Variants in ADAM19 observed in about 807,000 individuals in gnomAD.
The protein encoded by ADAM19 is ADAM metallopeptidase domain 19, also known as disintegrin and metalloproteinase domain-containing protein 19.
In ADAM19, 65 loss-of-function variants were observed where a neutral mutation model predicts 114.7. That is an observed-to-expected ratio of 0.57 (90% confidence interval 0.46 to 0.70). The LOEUF is 0.70. Ranked by LOEUF, ADAM19 falls within the 30% of genes least tolerant of loss-of-function variation. The probability of loss-of-function intolerance (pLI) is 0.00; values close to 1 mark genes in which losing one functional copy is unlikely to be tolerated. For synonymous variants in ADAM19, 466 were observed against 460.5 expected, an observed-to-expected ratio of 1.01 and a Z score of -0.15; for missense variants, 1,063 against 1,204.7, an observed-to-expected ratio of 0.88 and a Z score of 1.74.
intron 12 of ADAM19, among the ~76,000 whole-genome samples, chr5:157,501,972 G>A (rs760030897): frequency 9.2e-5 from 14 of 152,054 alleles, no homozygotes; most frequent in African/African-American, 2.9e-4. Flanking sequence ...CAGGAGAATC[G>A]CTTGAACCCT....
chr5:157,535,797 T>C (rs1756747224), intron 4 of ADAM19, among the ~76,000 whole-genome samples: 2 of 152,224 alleles, frequency 1.3e-5, no homozygotes, highest in Admixed American at 1.3e-4. Flanking sequence ...GCAGGAAGCG[T>C]GAGCTCATGG....
At chr5:157,548,529 A>T (rs1757107151) in intron 3 of ADAM19, among the ~76,000 whole-genome samples, 1 of 152,176 alleles carries the variant, frequency 6.6e-6, no homozygotes, top group Non-Finnish European at 1.5e-5. Flanking sequence ...GGATTCTCTG[A>T]CTCAATACCT....
intron 1 of ADAM19, among the ~76,000 whole-genome samples, chr5:157,574,673 T>G (rs986818223): frequency 1.3e-5 from 2 of 152,072 alleles, no homozygotes; most frequent in African/African-American, 2.4e-5. Context: ...CCGGTCATAA[T>G]GAGAGAACCC....
chr5:157,492,959 G>C lies in ADAM19; in HGVS notation c.1908+14C>G, dbSNP rs1236070982. 6.2e-7 allele frequency: 1 copy of C among 1,613,726 alleles called. No individual in the cohort carries two copies. Among genetic ancestry groups the C allele is most frequent in the East Asian group, 2.2e-5 (1 of 44,892 alleles). On this transcript the variant is annotated intron_variant, in intron 16 of 22. Transcript: ENST00000257527. The stretch of plus-strand genomic sequence containing the variant: ...CTGCAGCTGGCTCCTAGGTGAGCAG[G>C]GGAGGGGACTCACATGGTTGTAGCC...
chr5:157,541,570 T>C (rs965542639), intron 3 of ADAM19, among the ~76,000 whole-genome samples: 2 of 152,018 alleles, frequency 1.3e-5, no homozygotes, highest in Non-Finnish European at 2.9e-5. Context: ...GACTCCCACC[T>C]AGGAAAATAA....
At chr5:157,531,691 G>C (rs888545723) in intron 4 of ADAM19, among the ~76,000 whole-genome samples, 1 of 147,852 alleles carries the variant, frequency 6.8e-6, no homozygotes, top group Non-Finnish European at 1.5e-5. Flanking sequence ...AAAAAAAAAA[G>C]ATGGTGTCAT....
At chr5:157,562,358 A>AAC (rs1459098049) in intron 3 of ADAM19, among the ~76,000 whole-genome samples, 1 of 152,174 alleles carries the variant, frequency 6.6e-6, no homozygotes, top group African/African-American at 2.4e-5. Context: ...CTCAATGGGA[A>AAC]ACGAGAGCTG....
At chr5:157,486,379 C>A (rs1015577340) in intron 21 of ADAM19, among the ~76,000 whole-genome samples, 3 of 152,186 alleles carry the variant, frequency 2.0e-5, no homozygotes, top group Non-Finnish European at 2.9e-5. Context: ...GAGAGACACC[C>A]ACCTGGGACC....
chr5:157,538,388 G>T (rs776366044), intron 3 of ADAM19, among the ~76,000 whole-genome samples: 3 of 152,198 alleles, frequency 2.0e-5, no homozygotes, highest in Non-Finnish European at 4.4e-5. Context: ...AGTATCAGCA[G>T]ACCAATTTTT....
At chr5:157,531,471 G>A (rs11465281) in intron 4 of ADAM19, among the ~76,000 whole-genome samples, 11,807 of 152,036 alleles carry the variant, frequency 0.078, 591 homozygotes, top group Middle Eastern at 0.17. Flanking sequence ...GTTCCAGACC[G>A]CCCTGGCCAA....
chr5:157,487,517 A>G (rs1468213924), intron 21 of ADAM19, among the ~76,000 whole-genome samples: 22 of 152,202 alleles, frequency 1.4e-4, no homozygotes, highest in Admixed American at 1.4e-3. Flanking sequence ...CAGTTCCAGA[A>G]GGCACCCCAC....
intron 2 of ADAM19, chr5:157,568,472 C>T (rs905103354): frequency 6.6e-6 from 1 of 152,174 alleles, no homozygotes; most frequent in African/African-American, 2.4e-5. Flanking sequence ...GATGAAACTC[C>T]ACTCTGTATT....
intron 5 of ADAM19, among the ~76,000 whole-genome samples, chr5:157,522,427 GA>G (rs1260301935): frequency 1.3e-5 from 2 of 152,202 alleles, no homozygotes; most frequent in Admixed American, 1.3e-4. Context: ...GTCGGGATTT[GA>G]ATGGAAGCAT....
rs920122508 is a variant in ADAM19 at position 157,477,589 on chromosome 5, G to A, written c.*3360C>T. On this transcript the variant is annotated 3_prime_UTR_variant, in exon 23 of 23. Coordinates refer to ENST00000257527, the MANE Select transcript of ADAM19 (RefSeq NM_033274.5). ...TTGGATTCTACAGAACCTCTCCTTC[G>A]CAGGCTCCCCTGGGGAAGGGGACCT... The A allele has an allele frequency of 2.1e-5, 27 of 1,258,688 alleles. No homozygotes were observed. Among genetic ancestry groups the A allele is most frequent in the Middle Eastern group, 2.2e-4 (1 of 4,518 alleles). The allele number at this position is 1,258,688 out of a possible 1,614,324, so 78.0% of individuals were successfully genotyped here.
chr5:157,492,958 G>C lies in ADAM19; in HGVS notation c.1908+15C>G. ...TCTGCAGCTGGCTCCTAGGTGAGCA[G>C]GGGAGGGGACTCACATGGTTGTAGC... On this transcript the variant is annotated intron_variant, in intron 16 of 22. Coordinates refer to ENST00000257527, the MANE Select transcript of ADAM19 (RefSeq NM_033274.5). The C allele has an allele frequency of 6.2e-7, 1 of 1,613,900 alleles. No homozygotes were observed. Among genetic ancestry groups the C allele is most frequent in the South Asian group, 1.1e-5 (1 of 91,080 alleles).
At chr5:157,545,526 G>A (rs1001519544) in intron 3 of ADAM19, among the ~76,000 whole-genome samples, 1 of 152,086 alleles carries the variant, frequency 6.6e-6, no homozygotes, top group Non-Finnish European at 1.5e-5. Context: ...TCTATGCGTT[G>A]CCCCATATCC....
intron 3 of ADAM19, 40 bp from the exon 4 acceptor site, chr5:157,538,031 T>C (rs62388506): frequency 4.7e-6 from 7 of 1,504,400 alleles, no homozygotes; most frequent in Non-Finnish European, 6.5e-6. Context: ...CATAAGTGGA[T>C]GAACTCCACC....
At chr5:157,542,845 C>A (rs1189399950) in intron 3 of ADAM19, among the ~76,000 whole-genome samples, 1 of 152,138 alleles carries the variant, frequency 6.6e-6, no homozygotes, top group Non-Finnish European at 1.5e-5. Context: ...CACAGCCAAG[C>A]CTTAGACTCT....
chr5:157,534,100 T>C (rs1302396394), intron 4 of ADAM19, among the ~76,000 whole-genome samples: 6 of 152,200 alleles, frequency 3.9e-5, no homozygotes, highest in Admixed American at 2.0e-4. Context: ...CTGGCTTCTG[T>C]AGCATGCTTT....
Sources: allele counts gnomAD v4.1 joint callset (sites outside exome capture counted in the v4.1 genomes callset), GRCh38; gene constraint gnomAD v4.1.1; transcripts MANE v1.5; gene names NCBI Gene and HGNC (gene_info 2026-07-23, HGNC 2026-07-21).